Variants in SPATA9 observed in about 807,000 individuals in gnomAD.
SPATA9 encodes spermatogenesis associated 9, also known as spermatogenesis-associated protein 9.
In SPATA9, 27 loss-of-function variants were observed where a neutral mutation model predicts 25.5. That is an observed-to-expected ratio of 1.06 (90% CI 0.78 to 1.46). The LOEUF (loss-of-function observed/expected upper bound fraction) is 1.46, where lower values mean the gene tolerates loss of function less well. Ranked by LOEUF, SPATA9 falls within the 40% of genes most tolerant of loss-of-function variation. SPATA9 has a pLI of 0.00. For synonymous variants in SPATA9, 102 were observed against 105.7 expected, an observed-to-expected ratio of 0.97 and a Z score of 0.21; for missense variants, 282 against 297.5, an observed-to-expected ratio of 0.95 and a Z score of 0.38.
chr5:95,694,647 T>C (rs996893764), intron 1 of SPATA9, among the ~76,000 whole-genome samples: 2 of 152,186 alleles, frequency 1.3e-5, no homozygotes, highest in African/African-American at 4.8e-5. Flanking sequence ...CCAAATTTAT[T>C]TTCAGCCAAT....
chr5:95,658,933 T>G lies in SPATA9; in HGVS notation c.475-20A>C. On this transcript the variant is annotated intron_variant, in intron 4 of 4. Transcript: ENST00000274432. The stretch of plus-strand genomic sequence containing the variant: ...GACTGCCTATACAATAAAAAGAGTT[T>G]GTAAAGTGAAGTTTCTTTTTAAGCT... 6.4e-7 allele frequency: 1 copy of G among 1,563,264 alleles called. No homozygotes were observed. The highest frequency in any genetic ancestry group is 1.2e-5 in the South Asian group (1 of 82,548).
the SPATA9 span, chr5:95,730,905 C>T: frequency 2.2e-6 from 1 of 456,830 alleles, no homozygotes; most frequent in Non-Finnish European, 4.4e-6. Context: ...TGGTAAAGCA[C>T]TTTCGGTCAA....
At chr5:95,715,880 C>T in the SPATA9 span, among the ~76,000 whole-genome samples, 1 of 151,726 alleles carries the variant, frequency 6.6e-6, no homozygotes, top group Non-Finnish European at 1.5e-5. Flanking sequence ...AGATCAAGAA[C>T]AAAAACCACT....
At chr5:95,710,026 T>C in the SPATA9 span, among the ~76,000 whole-genome samples, 2 of 152,200 alleles carry the variant, frequency 1.3e-5, no homozygotes, top group African/African-American at 2.4e-5. Context: ...TAAACGTTAA[T>C]ACGTTTATCC....
downstream of SPATA9, among the ~76,000 whole-genome samples, chr5:95,655,735 C>T (rs1240938716): frequency 1.3e-5 from 2 of 152,152 alleles, no homozygotes; most frequent in African/African-American, 4.8e-5. Context: ...ACTTGAAGTC[C>T]TTGCCCCATT....
At chr5:95,707,044 G>A in the SPATA9 span, among the ~76,000 whole-genome samples, 8 of 152,122 alleles carry the variant, frequency 5.3e-5, no homozygotes, top group South Asian at 8.3e-4. Context: ...TGATAGAAAA[G>A]CATTTTTTAG....
At chr5:95,696,725 A>C (rs1754032433) in intron 1 of SPATA9, among the ~76,000 whole-genome samples, 1 of 152,192 alleles carries the variant, frequency 6.6e-6, no homozygotes, top group African/African-American at 2.4e-5. Flanking sequence ...ACAAATTAAA[A>C]GAATTAATCT....
the SPATA9 span, among the ~76,000 whole-genome samples, chr5:95,711,807 G>T: frequency 7.8e-4 from 119 of 152,334 alleles, no homozygotes; most frequent in African/African-American, 2.8e-3. Flanking sequence ...CCATGGAGGA[G>T]GATTCCTGAC....
chr5:95,696,367 G>T (rs1475164576), intron 1 of SPATA9, among the ~76,000 whole-genome samples: 1 of 152,128 alleles, frequency 6.6e-6, no homozygotes, highest in Non-Finnish European at 1.5e-5. Flanking sequence ...GAGTGGTACT[G>T]TTTGCATTTT....
the SPATA9 span, among the ~76,000 whole-genome samples, chr5:95,730,502 A>G: frequency 6.6e-6 from 1 of 152,322 alleles, no homozygotes; most frequent in South Asian, 2.1e-4. Context: ...GTGCATTATT[A>G]TGAAAGAATC....
At chr5:95,666,108 A>AT (rs1751783294) in intron 3 of SPATA9, among the ~76,000 whole-genome samples, 1 of 152,164 alleles carries the variant, frequency 6.6e-6, no homozygotes, top group South Asian at 2.1e-4. Context: ...CAATCCTATG[A>AT]AGTTGGTATT....
the SPATA9 span, among the ~76,000 whole-genome samples, chr5:95,728,866 T>C: frequency 6.6e-6 from 1 of 152,192 alleles, no homozygotes; most frequent in Non-Finnish European, 1.5e-5. Flanking sequence ...AAAACCAAGA[T>C]GGTGGTGACA....
the SPATA9 span, among the ~76,000 whole-genome samples, chr5:95,712,712 C>T: frequency 6.6e-6 from 1 of 152,174 alleles, no homozygotes; most frequent in Non-Finnish European, 1.5e-5. Context: ...CCACCTGAGG[C>T]CCCAGACATC....
At chr5:95,671,706 G>A (rs990319218) in intron 3 of SPATA9, among the ~76,000 whole-genome samples, 5 of 152,116 alleles carry the variant, frequency 3.3e-5, no homozygotes, top group African/African-American at 9.7e-5. Flanking sequence ...ACCACGCCTG[G>A]CCGCTATTTG....
At position 95,675,417 on chromosome 5, in the gene SPATA9, T is replaced by C. The variant is rs200485942; in HGVS notation, c.373A>G (p.Ile125Val). ...VNAPRQPLYN[I>V]QVRKGSLFEI... The stretch of plus-strand genomic sequence containing the variant: ...CATATGCAGTATTCCCTTACCTGAA[T>C]GTTATATAGGGGTTGCCTCGGCGCA... The change falls in exon 3 of 5, where the codon ATT becomes GTT. Residue 125 changes from isoleucine (I) to valine (V), a missense_variant. By Grantham distance (29) the Ile-to-Val change is conservative. Transcript: ENST00000274432. The C allele has an allele frequency of 2.5e-6, 4 of 1,611,692 alleles. No individual in the cohort carries two copies. Among genetic ancestry groups the C allele is most frequent in the Admixed American group, 3.4e-5 (2 of 59,606 alleles).
chr5:95,728,163 G>A, the SPATA9 span, among the ~76,000 whole-genome samples: 2 of 152,226 alleles, frequency 1.3e-5, no homozygotes, highest in Non-Finnish European at 2.9e-5. Flanking sequence ...GGTTTGGTGA[G>A]TATGTAGCCA....
upstream of SPATA9, among the ~76,000 whole-genome samples, chr5:95,700,515 G>C (rs1348987415): frequency 1.3e-5 from 2 of 152,108 alleles, no homozygotes; most frequent in Non-Finnish European, 2.9e-5. Context: ...GGTCAGGCTG[G>C]TCTTGATCTC....
chr5:95,711,579 A>G, the SPATA9 span, among the ~76,000 whole-genome samples: 1 of 152,170 alleles, frequency 6.6e-6, no homozygotes, highest in Non-Finnish European at 1.5e-5. Context: ...TCGAGAGGCA[A>G]TGGGTGGCGA....
chr5:95,682,771 C>G, intron 1 of SPATA9, 23 bp downstream of exon 1: 1 of 1,542,856 alleles, frequency 6.5e-7, no homozygotes, highest in Non-Finnish European at 8.7e-7. Flanking sequence ...CCCATACGCC[C>G]TTTACAACAA....
Sources: gnomAD v4.1 joint callset for allele counts (sites outside exome capture counted in the v4.1 genomes callset) on GRCh38, gnomAD v4.1.1 for gene constraint, MANE v1.5 for transcripts, NCBI Gene and HGNC (gene_info 2026-07-23, HGNC 2026-07-21) for gene names.